Variants in ZZEF1 observed in about 807,000 individuals in gnomAD.
ZZEF1 encodes the protein zinc finger ZZ-type and EF-hand domain containing 1, also known as zinc finger ZZ-type and EF-hand domain-containing protein 1.
Under a neutral mutation model 342.8 loss-of-function variants are expected in ZZEF1, and 157 were observed. The observed-to-expected ratio is 0.46, with a 90% CI of 0.40 to 0.52. The LOEUF (loss-of-function observed/expected upper bound fraction) is 0.52. Ranked by LOEUF, ZZEF1 falls within the 20% of genes least tolerant of loss-of-function variation. The pLI is 0.00. For synonymous variants in ZZEF1, 1,505 were observed against 1,429.1 expected, an observed-to-expected ratio of 1.05 and a Z score of -1.20; for missense variants, 3,480 against 3,725.6, an observed-to-expected ratio of 0.93 and a Z score of 1.72.
intron 39 of ZZEF1, 105 bp downstream of exon 39, chr17:4,042,324 T>C: frequency 7.9e-7 from 1 of 1,263,996 alleles, no homozygotes; most frequent in Non-Finnish European, 1.1e-6. Context: ...ATCCTACCCT[T>C]AAGGCTACAG....
chr17:4,098,412 AAATG>A (rs1053447248), intron 9 of ZZEF1, among the ~76,000 whole-genome samples: 21 of 151,988 alleles, frequency 1.4e-4, no homozygotes, highest in African/African-American at 4.6e-4. Context: ...ACCCTGTCTC[AAATG>A]AATGAATGAA....
chr17:4,060,526 G>C (rs2057261636), intron 30 of ZZEF1, among the ~76,000 whole-genome samples: 1 of 146,858 alleles, frequency 6.8e-6, no homozygotes, highest in Non-Finnish European at 1.5e-5. Context: ...TCCAGCCTGG[G>C]TGACACAGCG....
chr17:4,105,784 G>A lies in ZZEF1; in HGVS notation c.1303C>T (p.Leu435Phe), dbSNP rs1316810068. 2 of 1,612,214 alleles carry A rather than the reference G, an allele frequency of 1.2e-6. No individual in the cohort carries two copies. Among genetic ancestry groups the A allele is most frequent in the African/African-American group, 2.7e-5 (2 of 74,776 alleles). ...TQKALRHMPPLSLSPGSTDFS... is the reference protein window; with the variant it reads ...TQKALRHMPPFSLSPGSTDFS... The stretch of plus-strand genomic sequence containing the variant: ...TCTGTAGATCCTGGTGAGAGAGAGA[G>A]TGGAGGCATGTGCCGCAGCGCCTTC... The change falls in exon 7 of 55, where the codon CTC (leucine) becomes TTC (phenylalanine). Residue 435 changes from leucine (L) to phenylalanine (F), a missense_variant. By Grantham distance (22) the Leu-to-Phe change is conservative. Around this residue, in one of 5 missense-constraint regions of ZZEF1, gnomAD observed 1,528 missense variants for 1,624.1 expected, o/e 0.94. Transcript: ENST00000381638.
At chr17:4,087,685 A>G (rs958801328) in intron 13 of ZZEF1, 151 bp from the exon 14 acceptor site, 10 of 682,462 alleles carry the variant, frequency 1.5e-5, no homozygotes, top group Non-Finnish European at 2.4e-5. Context: ...TAACTACAAA[A>G]AGGTTTGCCA....
At chr17:4,119,005 C>G (rs6502771) in intron 2 of ZZEF1, among the ~76,000 whole-genome samples, 23,477 of 152,178 alleles carry the variant, frequency 0.15, 1,999 homozygotes, top group African/African-American at 0.22. Flanking sequence ...TGACGTGAAG[C>G]TGAAGAGTTG....
At chr17:4,130,313 C>T (rs984377940) in intron 1 of ZZEF1, among the ~76,000 whole-genome samples, 33 of 151,578 alleles carry the variant, frequency 2.2e-4, no homozygotes, top group African/African-American at 8.0e-4. Context: ...ATTAGCCGGG[C>T]GTGGTGGTGG....
intron 39 of ZZEF1, among the ~76,000 whole-genome samples, chr17:4,037,220 A>G (rs373834727): frequency 1.6e-4 from 24 of 152,360 alleles, no homozygotes; most frequent in African/African-American, 5.5e-4. Flanking sequence ...TCTCCCCACT[A>G]AATATTTACT....
intron 46 of ZZEF1, among the ~76,000 whole-genome samples, 163 bp from the exon 47 acceptor site, chr17:4,018,134 T>C (rs559733160): frequency 6.1e-4 from 93 of 152,346 alleles, no homozygotes; most frequent in African/African-American, 2.1e-3. Context: ...CCTTCACTTA[T>C]GCATGGATAC....
intron 2 of ZZEF1, among the ~76,000 whole-genome samples, chr17:4,123,018 A>C (rs1443603426): frequency 2.6e-4 from 38 of 147,002 alleles, no homozygotes; most frequent in African/African-American, 9.3e-4. Context: ...CTCCCAGGTT[A>C]ACGCCATTCT....
At chr17:4,084,605 A>AGTTTT (rs1448742393) in intron 16 of ZZEF1, among the ~76,000 whole-genome samples, 1 of 152,184 alleles carries the variant, frequency 6.6e-6, no homozygotes, top group African/African-American at 2.4e-5. Flanking sequence ...AGAGAGAAAA[A>AGTTTT]GTTTTGTTTT....
chr17:4,011,992 A>AGGGT (rs1483707849), intron 52 of ZZEF1, among the ~76,000 whole-genome samples: 1 of 152,232 alleles, frequency 6.6e-6, no homozygotes, highest in Non-Finnish European at 1.5e-5. Context: ...GAAAGAGGCT[A>AGGGT]GGGTGGCAAG....
intron 52 of ZZEF1, among the ~76,000 whole-genome samples, chr17:4,011,284 T>C (rs1250926279): frequency 6.6e-6 from 1 of 151,698 alleles, no homozygotes; most frequent in Non-Finnish European, 1.5e-5. Context: ...ACACCTGTAG[T>C]CCCAGCTACT....
chr17:4,009,058 G>T, intron 53 of ZZEF1, 104 bp from the exon 54 acceptor site: 1 of 1,370,502 alleles, frequency 7.3e-7, no homozygotes, highest in Non-Finnish European at 9.9e-7. Context: ...GCCTCTCATG[G>T]GCGGACGCTA....
At chr17:4,032,467 A>G (rs1001934027) in intron 41 of ZZEF1, among the ~76,000 whole-genome samples, 1 of 152,228 alleles carries the variant, frequency 6.6e-6, no homozygotes, top group Non-Finnish European at 1.5e-5. Context: ...ATGTTTTTAC[A>G]GCCCCCTTTG....
In ZZEF1 at chr17:4,143,000, C is replaced by G; in HGVS notation, c.-105G>C. On this transcript the variant is annotated 5_prime_UTR_variant, in exon 1 of 55. Coordinates refer to ENST00000381638, the MANE Select transcript of ZZEF1 (RefSeq NM_015113.4). ...CTGGCGGGCGGGGACGCGGAGGAGA[C>G]GACGGCGGCCCCTGCGGCTTCCGGC... is the stretch of plus-strand genomic sequence containing the variant. 1 of 1,268,490 alleles carries G rather than the reference C, an allele frequency of 7.9e-7. No homozygotes were observed. Among genetic ancestry groups the G allele is most frequent in the Non-Finnish European group, 9.9e-7 (1 of 1,011,700 alleles). The allele number at this position is 1,268,490 out of a possible 1,614,324, so 78.6% of individuals were successfully genotyped here.
intron 1 of ZZEF1, among the ~76,000 whole-genome samples, chr17:4,132,258 A>C (rs1179730522): frequency 6.8e-6 from 1 of 148,046 alleles, no homozygotes; most frequent in Non-Finnish European, 1.5e-5. Context: ...ATCATGGTTC[A>C]CTTCAACCTC....
intron 2 of ZZEF1, among the ~76,000 whole-genome samples, chr17:4,122,124 T>C (rs1264993365): frequency 6.6e-6 from 1 of 152,194 alleles, no homozygotes; most frequent in Non-Finnish European, 1.5e-5. Flanking sequence ...TTTACATTTA[T>C]GTGTCTATCA....
At chr17:4,015,786 A>G (rs186442508) in intron 49 of ZZEF1, among the ~76,000 whole-genome samples, 1 of 152,388 alleles carries the variant, frequency 6.6e-6, no homozygotes, top group East Asian at 1.9e-4. Flanking sequence ...TAAAGGGACT[A>G]CATGGCCTTA....
chr17:4,123,200 G>T (rs1445577449), intron 2 of ZZEF1, among the ~76,000 whole-genome samples: 3 of 145,110 alleles, frequency 2.1e-5, no homozygotes, highest in Non-Finnish European at 3.0e-5. Flanking sequence ...GATTACAGGC[G>T]TAAGCCACCG....
Sources: gnomAD v4.1 joint callset for allele counts (sites outside exome capture counted in the v4.1 genomes callset) on GRCh38, gnomAD v4.1.1 for gene constraint, gnomAD v4.1.1 regional missense constraint, MANE v1.5 for transcripts, NCBI Gene and HGNC (gene_info 2026-07-23, HGNC 2026-07-21) for gene names.